Variants in CPT1A observed in about 807,000 individuals in gnomAD.
The protein encoded by CPT1A is carnitine O-palmitoyltransferase 1, liver isoform.
In CPT1A, 64 loss-of-function variants were observed where a neutral mutation model predicts 100.8. That is an observed-to-expected ratio of 0.63 (90% CI 0.52 to 0.78). The LOEUF (loss-of-function observed/expected upper bound fraction) is 0.78, where lower values mean the gene tolerates loss of function less well. Ranked by LOEUF, CPT1A falls within the 30% of genes least tolerant of loss-of-function variation. CPT1A has a pLI of 0.00. For missense variants in CPT1A, 802 were observed against 1,034.1 expected, an observed-to-expected ratio of 0.78 and a Z score of 3.08; for synonymous variants, 363 against 396.0, an observed-to-expected ratio of 0.92 and a Z score of 0.99.
At position 68,796,937 on chromosome 11, in the gene CPT1A, G is replaced by A; in HGVS notation, c.694-4C>T. ...ACTCCTCCCACCAGTCGCTCACCTA[G>A]TGGGCGCAAACACCAGACAAACCCG... On this transcript the variant is annotated splice_polypyrimidine_tract_variant and splice_region_variant and intron_variant, in intron 6 of 18. Coordinates refer to ENST00000265641, the MANE Select transcript of CPT1A (RefSeq NM_001876.4). 2 of 1,613,776 alleles carry A rather than the reference G, an allele frequency of 1.2e-6. No individual in the cohort carries two copies. Among genetic ancestry groups the A allele is most frequent in the South Asian group, 2.2e-5 (2 of 91,014 alleles).
chr11:68,839,638 A>G (rs1410523929), intron 1 of CPT1A: 1 of 985,352 alleles, frequency 1.0e-6, no homozygotes, highest in Non-Finnish European at 1.2e-6. Flanking sequence ...GCTGCATCCA[A>G]CGAGCCAGAA....
chr11:68,836,027 T>A (rs1857000591), intron 1 of CPT1A, among the ~76,000 whole-genome samples: 1 of 152,178 alleles, frequency 6.6e-6, no homozygotes. Flanking sequence ...GGATTTCTCT[T>A]CCTACCTGTT....
chr11:68,831,447 G>A (rs546494215), intron 1 of CPT1A, among the ~76,000 whole-genome samples: 3 of 152,202 alleles, frequency 2.0e-5, no homozygotes, highest in African/African-American at 7.2e-5. Context: ...ACGTGACAAC[G>A]GACTTCCAAG....
In CPT1A at chr11:68,780,691, G is replaced by A. The variant is rs1855283451; in HGVS notation, c.1407C>T (p.Leu469=). The A allele has an allele frequency of 6.2e-7, 1 of 1,614,208 alleles. No individual in the cohort carries two copies. Among genetic ancestry groups the A allele is most frequent in the Non-Finnish European group, 8.5e-7 (1 of 1,180,016 alleles). The change falls in exon 12 of 19, where the codon CTC becomes CTT. Residue 469 remains leucine (L), a synonymous_variant. Coordinates refer to ENST00000265641, the MANE Select transcript of CPT1A (RefSeq NM_001876.4). ...CATCTGCCCAGGAGTGTTCAGCGTT[G>A]AGGCCCATCTTCCCGTTTTTGAAGA... ...FVVFKNGKMG[L]NAEHSWADAP...
intron 1 of CPT1A, among the ~76,000 whole-genome samples, chr11:68,836,585 C>T (rs1276877376): frequency 6.6e-6 from 1 of 152,026 alleles, no homozygotes; most frequent in Admixed American, 6.6e-5. Context: ...CCAGCCTGGC[C>T]AACATGGTGA....
At chr11:68,800,120 G>A (rs1462279875) in intron 5 of CPT1A, among the ~76,000 whole-genome samples, 1 of 152,024 alleles carries the variant, frequency 6.6e-6, no homozygotes, top group Non-Finnish European at 1.5e-5. Flanking sequence ...CTGGGTGCTG[G>A]GGCTGGGCAG....
chr11:68,783,069 C>A (rs998575329), intron 10 of CPT1A, among the ~76,000 whole-genome samples: 3 of 152,278 alleles, frequency 2.0e-5, no homozygotes, highest in East Asian at 3.9e-4. Flanking sequence ...CTCCTGCCGC[C>A]GCTCTTTCCA....
chr11:68,841,751 C>G lies in CPT1A; in HGVS notation c.-14+24G>C. 1.0e-6 allele frequency: 1 copy of G among 977,084 alleles called. No individual in the cohort carries two copies. The allele number at this position is 977,084 out of a possible 1,614,324, so 60.5% of individuals were successfully genotyped here. A position where few individuals can be genotyped will look rare whatever the true frequency, so the allele number is the denominator to read the frequency against. ...CCGCAGGGCCGCCCCGCCACCCTCC[C>G]CACCGCGGGCGACCGGGCCTCACCG... On this transcript the variant is annotated intron_variant, in intron 1 of 18. Coordinates refer to ENST00000265641, the MANE Select transcript of CPT1A (RefSeq NM_001876.4). This position sits in a 1 kb window ranked among gnomAD's most constrained non-coding sequence, Gnocchi z 6.3.
In CPT1A at chr11:68,755,851, T is replaced by G. The variant is rs1247084609; in HGVS notation, c.*1793A>C. On this transcript the variant is annotated 3_prime_UTR_variant, in exon 19 of 19. Coordinates refer to ENST00000265641, the MANE Select transcript of CPT1A (RefSeq NM_001876.4). ...CATGTGGGCCGCGCATGGTGGCTCA[T>G]GCCTGTAATCCCAGCACTTTGGGAG... The G allele has an allele frequency of 6.6e-6, 1 of 150,494 alleles. No individual in the cohort carries two copies. Among genetic ancestry groups the G allele is most frequent in the Non-Finnish European group, 1.5e-5 (1 of 67,730 alleles). 9.3% of individuals were successfully genotyped at this position (150,494 alleles called of 1,614,324 possible).
intron 4 of CPT1A, among the ~76,000 whole-genome samples, chr11:68,805,822 A>G (rs527362026): frequency 6.6e-6 from 1 of 152,316 alleles, no homozygotes; most frequent in East Asian, 1.9e-4. Flanking sequence ...ATCTGGCCCC[A>G]GAAACCCAGG....
rs1855048075 is a variant in CPT1A at position 68,773,343 on chromosome 11, A to G, written c.1662T>C (p.Phe554=). ...VDFHSFPFVA[F]GKGIIKKCRT... is the part of the protein sequence containing the mutation. ...GACATTTCTTGATGATTCCTTTACC[A>G]AAGGCTACGAATGGGAAGGAATGGA... Residue 554 remains phenylalanine, a synonymous_variant, in exon 14 of 19, where the codon TTT becomes TTC. Coordinates refer to ENST00000265641, the MANE Select transcript of CPT1A (RefSeq NM_001876.4). 6.2e-7 allele frequency: 1 copy of G among 1,614,166 alleles called. No individual in the cohort carries two copies. Among genetic ancestry groups the G allele is most frequent in the East Asian group, 2.2e-5 (1 of 44,882 alleles).
chr11:68,812,076 A>C (rs1481114900), intron 3 of CPT1A, among the ~76,000 whole-genome samples: 1 of 152,220 alleles, frequency 6.6e-6, no homozygotes, highest in Non-Finnish European at 1.5e-5. Flanking sequence ...AAGTGCAAAG[A>C]AATGACTACA....
chr11:68,786,234 C>T (rs1855459909), intron 9 of CPT1A, among the ~76,000 whole-genome samples: 1 of 152,106 alleles, frequency 6.6e-6, no homozygotes, highest in Non-Finnish European at 1.5e-5. Context: ...TGGTGGTGTG[C>T]ACCTGTAGTC....
chr11:68,799,169 T>C (rs1158777424), intron 6 of CPT1A, 49 bp downstream of exon 6: 1 of 750,884 alleles, frequency 1.3e-6, no homozygotes, highest in Non-Finnish European at 2.0e-6. Context: ...AAAATTAGCG[T>C]CTTCATACGG....
chr11:68,757,669 C>A lies in CPT1A; in HGVS notation c.2297G>T (p.Gly766Val), dbSNP rs764302930. The change falls in exon 19 of 19, where the codon GGT (glycine) becomes GTT (valine). Residue 766 changes from glycine to valine, a missense_variant. Physicochemically the swap from Gly to Val is moderately radical, Grantham distance 109. This residue lies in a region of CPT1A where 627 missense variants were observed against 799.3 expected (regional missense o/e 0.78). Transcript: ENST00000265641. ...TTACTTTTTGGAATTAGAACTGAGA[C>A]CAAACAAAGTGATGATGTCAGTCAT... ...EAMTDIITLFGLSSNSKK is the reference protein window; with the variant it reads ...EAMTDIITLFVLSSNSKK 6.2e-7 allele frequency: 1 copy of A among 1,613,960 alleles called. No individual in the cohort carries two copies. Among genetic ancestry groups the A allele is most frequent in the African/African-American group, 1.3e-5 (1 of 74,900 alleles).
At chr11:68,776,495 T>C (rs1260403906) in intron 12 of CPT1A, among the ~76,000 whole-genome samples, 1 of 152,086 alleles carries the variant, frequency 6.6e-6, no homozygotes, top group East Asian at 1.9e-4. Flanking sequence ...ATGTCCAAAA[T>C]AGGCACATAC....
intron 14 of CPT1A, 39 bp downstream of exon 14, chr11:68,773,226 A>G (rs773710732): frequency 1.3e-5 from 21 of 1,611,940 alleles, no homozygotes; most frequent in Non-Finnish European, 1.5e-5. Context: ...AGGAACCCCC[A>G]AAGTGCTCAC....
intron 3 of CPT1A, among the ~76,000 whole-genome samples, chr11:68,811,786 C>T (rs1327707148): frequency 6.6e-6 from 1 of 151,922 alleles, no homozygotes; most frequent in Non-Finnish European, 1.5e-5. Flanking sequence ...TAACAGACAT[C>T]ACAGGTGTGC....
At chr11:68,821,817 A>G (rs1856592748) in intron 1 of CPT1A, among the ~76,000 whole-genome samples, 1 of 152,148 alleles carries the variant, frequency 6.6e-6, no homozygotes, top group Admixed American at 6.5e-5. Context: ...CCGCAAATTC[A>G]GGCACCCACC....
Sources: allele counts gnomAD v4.1 joint callset (sites outside exome capture counted in the v4.1 genomes callset), GRCh38; gene constraint gnomAD v4.1.1; regional missense constraint gnomAD v4.1.1; non-coding constraint Gnocchi (gnomAD v3.1); transcripts MANE v1.5; gene names NCBI Gene and HGNC (gene_info 2026-07-23, HGNC 2026-07-21).